Variants in GNAQ observed in about 807,000 individuals in gnomAD.
GNAQ encodes the protein guanine nucleotide-binding protein G(q) subunit alpha.
A neutral mutation model predicts 43.9 loss-of-function variants in GNAQ; 8 were observed. The ratio of observed to expected loss-of-function variants is 0.18; its 90% CI spans 0.11 to 0.33. GNAQ has a LOEUF of 0.33. GNAQ is among the 10% of genes least tolerant of loss of function. The pLI, the probability that GNAQ is intolerant of heterozygous loss-of-function variation, is 1.00. For synonymous variants in GNAQ, 155 were observed against 170.7 expected (o/e 0.91, Z 0.71); for missense variants, 158 against 450.8 (o/e 0.35, Z 5.88).
At chr9:77,818,020 AAAAAC>A (rs201196252) in intron 2 of GNAQ, among the ~76,000 whole-genome samples, 1,940 of 152,224 alleles carry the variant, frequency 0.013, 36 homozygotes, top group African/African-American at 0.043. Flanking sequence ...AAACAAAAAC[AAAAAC>A]AAAACAAAAA....
intron 1 of GNAQ, among the ~76,000 whole-genome samples, chr9:77,969,328 A>G (rs1219818048): frequency 1.3e-5 from 2 of 152,276 alleles, no homozygotes; most frequent in Admixed American, 6.5e-5. Context: ...TAAAGCATCA[A>G]TTTAAGAATT....
At chr9:77,730,164 T>TG (rs1825465639) in intron 5 of GNAQ, among the ~76,000 whole-genome samples, 2 of 152,206 alleles carry the variant, frequency 1.3e-5, no homozygotes, top group Non-Finnish European at 2.9e-5. Flanking sequence ...AACCTTTTGT[T>TG]TTTTCAACTA....
chr9:77,870,895 C>T (rs1195274003), intron 2 of GNAQ, among the ~76,000 whole-genome samples: 1 of 151,794 alleles, frequency 6.6e-6, no homozygotes, highest in Non-Finnish European at 1.5e-5. Context: ...GATTCCATTC[C>T]TATGGAATTT....
intron 2 of GNAQ, among the ~76,000 whole-genome samples, chr9:77,835,071 C>T (rs940973509): frequency 2.6e-5 from 4 of 152,128 alleles, no homozygotes; most frequent in African/African-American, 4.8e-5. Context: ...CCTATACATA[C>T]GTAACTGTGC....
At chr9:77,982,809 G>C (rs932646263) in intron 1 of GNAQ, among the ~76,000 whole-genome samples, 2 of 151,276 alleles carry the variant, frequency 1.3e-5, no homozygotes, top group African/African-American at 2.4e-5. Flanking sequence ...AGTGGGGAGA[G>C]GGGGGAGGGA....
chr9:77,949,225 A>T (rs754907433), intron 1 of GNAQ, among the ~76,000 whole-genome samples: 5 of 152,222 alleles, frequency 3.3e-5, no homozygotes, highest in Non-Finnish European at 7.3e-5. Context: ...CAACAGCCAC[A>T]CACCATGAGG....
At chr9:77,722,311 AT>A (rs1825328752) in intron 6 of GNAQ, among the ~76,000 whole-genome samples, 1 of 151,496 alleles carries the variant, frequency 6.6e-6, no homozygotes, top group African/African-American at 2.4e-5. Context: ...TAATTTTTAT[AT>A]TTTTAGTAGA....
intron 2 of GNAQ, among the ~76,000 whole-genome samples, chr9:77,832,526 A>AG (rs1395419208): frequency 1.1e-4 from 16 of 152,236 alleles, no homozygotes; most frequent in Admixed American, 2.0e-4. Context: ...GCATCCATAA[A>AG]GTTAACATTA....
chr9:77,802,337 G>A (rs116439522), intron 3 of GNAQ, among the ~76,000 whole-genome samples: 293 of 152,072 alleles, frequency 1.9e-3, no homozygotes, highest in African/African-American at 6.4e-3. Flanking sequence ...CATCTGCCAG[G>A]GAAAAAGGGA....
intron 1 of GNAQ, among the ~76,000 whole-genome samples, chr9:78,008,604 CATTT>C (rs1823735263): frequency 7.1e-6 from 1 of 140,220 alleles, no homozygotes; most frequent in Non-Finnish European, 1.6e-5. Flanking sequence ...CATTTCATTT[CATTT>C]CATTTCATTT....
At chr9:77,999,189 T>C (rs868401044) in intron 1 of GNAQ, among the ~76,000 whole-genome samples, 49 of 151,912 alleles carry the variant, frequency 3.2e-4, no homozygotes, top group Middle Eastern at 3.4e-3. Context: ...TATAAATGTT[T>C]AGAATTATCC....
At chr9:77,853,701 G>C (rs146115555) in intron 2 of GNAQ, among the ~76,000 whole-genome samples, 17 of 133,488 alleles carry the variant, frequency 1.3e-4, no homozygotes, top group African/African-American at 4.5e-4. Context: ...GTACGTAATA[G>C]AGAACAGCGG....
rs775569177 is a variant in GNAQ, at chr9:77,717,180, T to C, written c.*4143A>G. 105 of 232,178 alleles carry C rather than the reference T, an allele frequency of 4.5e-4. No individual in the cohort carries two copies. Among genetic ancestry groups the C allele is most frequent in the Non-Finnish European group, 7.6e-4 (89 of 117,498 alleles). The allele number at this position is 232,178 out of a possible 1,614,324, so 14.4% of individuals were successfully genotyped here. On this transcript the variant is annotated 3_prime_UTR_variant, in exon 7 of 7. Transcript: ENST00000286548. ...AGATAAACATACAATATTACTAGTTTTATTTTTTTGTGTTTCTAACCAAAG... is the reference window on the plus strand; with the variant it reads ...AGATAAACATACAATATTACTAGTTCTATTTTTTTGTGTTTCTAACCAAAG...
intron 5 of GNAQ, among the ~76,000 whole-genome samples, chr9:77,780,333 T>G (rs1305635846): frequency 6.6e-6 from 1 of 151,972 alleles, no homozygotes; most frequent in Non-Finnish European, 1.5e-5. Flanking sequence ...GATCTACAGT[T>G]TTTTTTCACA....
intron 5 of GNAQ, among the ~76,000 whole-genome samples, chr9:77,793,255 T>C (rs1414991606): frequency 6.6e-6 from 1 of 152,130 alleles, no homozygotes; most frequent in African/African-American, 2.4e-5. Flanking sequence ...TTAGAGTTAT[T>C]GGGGGCAACT....
intron 1 of GNAQ, among the ~76,000 whole-genome samples, chr9:78,002,617 C>T (rs549524179): frequency 1.5e-3 from 221 of 152,260 alleles, no homozygotes; most frequent in Middle Eastern, 6.8e-3. Context: ...TGTGATATTC[C>T]CTAACCACAC....
intron 1 of GNAQ, among the ~76,000 whole-genome samples, chr9:77,987,542 G>A (rs1177185047): frequency 6.6e-6 from 1 of 152,026 alleles, no homozygotes. Context: ...ATATCTCTCG[G>A]CAATCCACCT....
At chr9:77,830,646 C>T (rs1292649503) in intron 2 of GNAQ, among the ~76,000 whole-genome samples, 1 of 152,196 alleles carries the variant, frequency 6.6e-6, no homozygotes, top group Non-Finnish European at 1.5e-5. Context: ...GAAGTGGCAG[C>T]CTATCTGGCA....
At chr9:77,828,059 CAAAAAAAAAAAAAAAAAAAAAA>C (rs71360654) in intron 2 of GNAQ, among the ~76,000 whole-genome samples, 5 of 19,224 alleles carry the variant, frequency 2.6e-4, no homozygotes, top group African/African-American at 4.4e-4. Flanking sequence ...GACTCCTCCT[CAAAAAAAAAAAAAAAAAAAAAA>C]AAAAAAAAAA....
Sources: allele counts gnomAD v4.1 joint callset (sites outside exome capture counted in the v4.1 genomes callset), GRCh38; gene constraint gnomAD v4.1.1; transcripts MANE v1.5; gene names NCBI Gene and HGNC (gene_info 2026-07-23, HGNC 2026-07-21).